The following SLC35F3 variants were observed in gnomAD, a reference collection of about 807,000 sequenced individuals.
The protein encoded by SLC35F3 is solute carrier family 35 member F3.
Under a neutral mutation model 49.9 loss-of-function variants are expected in SLC35F3, and 25 were observed. The observed-to-expected ratio is 0.50, with a 90% CI of 0.37 to 0.70. The LOEUF (loss-of-function observed/expected upper bound fraction) is 0.70. Ranked by LOEUF, SLC35F3 falls within the 30% of genes least tolerant of loss-of-function variation. The pLI is 0.00. For synonymous variants in SLC35F3, 275 were observed against 265.4 expected (o/e 1.04, Z -0.35); for missense variants, 525 against 639.8 (o/e 0.82, Z 1.94).
chr1:234,197,163 C>G (rs1217157061), intron 2 of SLC35F3, among the ~76,000 whole-genome samples: 1 of 152,128 alleles, frequency 6.6e-6, no homozygotes, highest in Non-Finnish European at 1.5e-5. Context: ...CCATGTGAAA[C>G]TCATCTGGGT....
rs985105958 is a variant in SLC35F3 at position 233,957,811 on chromosome 1, A to G, written c.283+52053A>G. 6.6e-6 allele frequency among the ~76,000 whole-genome samples: 1 copy of G among 151,340 alleles called. No homozygotes were observed. Among genetic ancestry groups the G allele is most frequent in the African/African-American group, 2.4e-5 (1 of 41,410 alleles). On this transcript the variant is annotated intron_variant, in intron 2 of 7. Coordinates refer to ENST00000366618, the MANE Select transcript of SLC35F3 (RefSeq NM_173508.4). The surrounding 1 kb of genome is among the most constrained non-coding windows in gnomAD (Gnocchi z 4.0). ...CCTAGGGCGACAAAAGCGAAACTCC[A>G]TCTCAAAAAAAAAATACAATAATCA...
intron 2 of SLC35F3, among the ~76,000 whole-genome samples, chr1:234,211,597 T>G (rs1667047664): frequency 3.3e-5 from 5 of 152,352 alleles, no homozygotes; most frequent in Middle Eastern, 3.4e-3. Context: ...GATTTTGGAC[T>G]TGCATGAGGC....
In SLC35F3 at chr1:234,101,200, C is replaced by T. The variant is rs117897616; in HGVS notation, c.284-130217C>T. ...CCCTGCAGTATGGACTCAGCACTCA[C>T]GGCAGTCAATGGTTATTCATTAAGT... is the stretch of plus-strand genomic sequence containing the variant. On this transcript the variant is annotated intron_variant, in intron 2 of 7. Coordinates refer to ENST00000366618, the MANE Select transcript of SLC35F3 (RefSeq NM_173508.4). Among the ~76,000 whole-genome samples, 498 of 152,198 alleles carry T rather than the reference C, an allele frequency of 3.3e-3. 6 individuals carry two copies. The South Asian group carries it at 0.038, about 12-fold the overall frequency.
chr1:233,917,606 G>A (rs575845372), intron 2 of SLC35F3, among the ~76,000 whole-genome samples: 2 of 152,214 alleles, frequency 1.3e-5, no homozygotes, highest in East Asian at 1.9e-4. Context: ...TCTTCCTCTA[G>A]CAGAACTAAC....
chr1:234,108,318 A>T (rs868625167), intron 2 of SLC35F3, among the ~76,000 whole-genome samples: 4 of 88,878 alleles, frequency 4.5e-5, no homozygotes, highest in Non-Finnish European at 8.0e-5. Context: ...TATATATAAA[A>T]GATATATATT....
At chr1:234,212,681 A>G (rs1667060627) in intron 2 of SLC35F3, 1 of 152,388 alleles carries the variant, frequency 6.6e-6, no homozygotes, top group African/African-American at 2.4e-5. Flanking sequence ...CATGTGCTTA[A>G]AAACGTGTGC....
chr1:233,922,773 G>T (rs2102788625), intron 2 of SLC35F3, among the ~76,000 whole-genome samples: 1 of 152,122 alleles, frequency 6.6e-6, no homozygotes, highest in African/African-American at 2.4e-5. Context: ...GAGTTTTTAT[G>T]GTTTTAGGTC....
chr1:234,062,834 C>G (rs372493931), intron 2 of SLC35F3, among the ~76,000 whole-genome samples: 1 of 148,492 alleles, frequency 6.7e-6, no homozygotes, highest in African/African-American at 2.5e-5. Context: ...GTGCCCACCA[C>G]GCCTGGCTAA....
chr1:234,214,727 G>T lies in SLC35F3; in HGVS notation c.284-16690G>T, dbSNP rs937628964. 2 of 1,042,106 alleles carry T rather than the reference G, an allele frequency of 1.9e-6. No individual in the cohort carries two copies. The highest frequency in any genetic ancestry group is 2.2e-5 in the South Asian group (1 of 46,344). The allele number at this position is 1,042,106 out of a possible 1,614,324, so 64.6% of individuals were successfully genotyped here. A position where few individuals can be genotyped will look rare whatever the true frequency, so the allele number is the denominator to read the frequency against. ...CAGTGCAGAGCGCCGCCGCCTGCGT[G>T]GGGGGATCTGGCAGCTTCAGGGGCT... On this transcript the variant is annotated intron_variant, in intron 2 of 7. Transcript: ENST00000366618. The surrounding 1 kb of genome is among the most constrained non-coding windows in gnomAD (Gnocchi z 8.0).
intron 2 of SLC35F3, among the ~76,000 whole-genome samples, chr1:233,940,151 G>A (rs4920183): frequency 0.3 from 44,841 of 151,700 alleles, 7,340 homozygotes; most frequent in East Asian, 0.46. Context: ...TTTGTTCTGC[G>A]GTTTGCCTTT....
At chr1:234,098,859 C>A (rs993855036) in intron 2 of SLC35F3, among the ~76,000 whole-genome samples, 2 of 146,022 alleles carry the variant, frequency 1.4e-5, no homozygotes, top group African/African-American at 5.1e-5. Flanking sequence ...GGTGGCAGTT[C>A]AGATGGCGGT....
At position 234,088,628 on chromosome 1, in the gene SLC35F3, C is replaced by T. The variant is rs1308688991; in HGVS notation, c.284-142789C>T. 3.9e-5 allele frequency among the ~76,000 whole-genome samples: 6 copies of T among 152,256 alleles called. No individual in the cohort carries two copies. The South Asian group carries it at 1.2e-3, about 32-fold the overall frequency. ...TTAAAATATTTTCAGTTTAGTTTGT[C>T]TAGTACTTTTTAAGCATGCATTTTG... On this transcript the variant is annotated intron_variant, in intron 2 of 7. Transcript: ENST00000366618.
In SLC35F3 at chr1:234,094,286, C is replaced by G. The variant is rs558463497; in HGVS notation, c.284-137131C>G. On this transcript the variant is annotated intron_variant, in intron 2 of 7. Transcript: ENST00000366618. ...TCTGCCTCTGTTTCTGGAGGGAGACCAACTAAATGAAATTCAGCAGCAGAA... is the reference window on the plus strand; with the variant it reads ...TCTGCCTCTGTTTCTGGAGGGAGACGAACTAAATGAAATTCAGCAGCAGAA... Among the ~76,000 whole-genome samples, 17 of 152,280 alleles carry G rather than the reference C, an allele frequency of 1.1e-4. No homozygotes were observed. In the South Asian group the frequency reaches 3.1e-3, roughly 28 times the overall value.
intron 3 of SLC35F3, among the ~76,000 whole-genome samples, chr1:234,235,204 T>C (rs747397506): frequency 3.3e-5 from 5 of 152,298 alleles, no homozygotes; most frequent in Admixed American, 6.5e-5. Flanking sequence ...TTAGTCTTCC[T>C]AGCAAGCACT....
chr1:233,959,120 A>G (rs10910315), intron 2 of SLC35F3, among the ~76,000 whole-genome samples: 31,896 of 152,020 alleles, frequency 0.21, 3,484 homozygotes, highest in East Asian at 0.37. Context: ...AATAATTTCT[A>G]TTGACCTTTG....
At chr1:234,193,463 AAATC>A (rs1409911252) in intron 2 of SLC35F3, among the ~76,000 whole-genome samples, 1 of 152,236 alleles carries the variant, frequency 6.6e-6, no homozygotes, top group Non-Finnish European at 1.5e-5. Flanking sequence ...TCAAGGAACT[AAATC>A]AAAGATCTGA....
intron 2 of SLC35F3, among the ~76,000 whole-genome samples, chr1:233,961,438 C>G (rs942238420): frequency 7.3e-6 from 1 of 137,790 alleles, no homozygotes; most frequent in Non-Finnish European, 1.6e-5. Context: ...TTTCAGCTTT[C>G]TTTTTTTTTT....
intron 2 of SLC35F3, among the ~76,000 whole-genome samples, chr1:234,137,754 C>T (rs1190505296): frequency 2.0e-5 from 3 of 152,134 alleles, no homozygotes; most frequent in Non-Finnish European, 4.4e-5. Context: ...GAGCACATGT[C>T]GCAGCAAGTA....
At chr1:234,153,115 C>T (rs561962623) in intron 2 of SLC35F3, among the ~76,000 whole-genome samples, 8 of 152,190 alleles carry the variant, frequency 5.3e-5, no homozygotes, top group Non-Finnish European at 7.3e-5. Flanking sequence ...GTCTAAAGGA[C>T]ATCCACTCTT....
Sources: gnomAD v4.1 joint callset for allele counts (sites outside exome capture counted in the v4.1 genomes callset) on GRCh38, gnomAD v4.1.1 for gene constraint, Gnocchi (gnomAD v3.1) non-coding constraint, MANE v1.5 for transcripts, NCBI Gene and HGNC (gene_info 2026-07-23, HGNC 2026-07-21) for gene names.